The following ADAMTS18 variants were observed in gnomAD, a reference collection of about 807,000 sequenced individuals.
The protein encoded by ADAMTS18 is A disintegrin and metalloproteinase with thrombospondin motifs 18.
Under a neutral mutation model 165.9 loss-of-function variants are expected in ADAMTS18, and 157 were observed. The ratio of observed to expected loss-of-function variants is 0.95; its 90% CI spans 0.83 to 1.08. The LOEUF (loss-of-function observed/expected upper bound fraction) is 1.08, where lower values mean the gene tolerates loss of function less well. ADAMTS18 is among the 50% of genes least tolerant of loss of function. ADAMTS18 has a pLI of 0.00. For missense variants in ADAMTS18, 2,040 were observed against 1,534.0 expected (o/e 1.33, Z -5.51); for synonymous variants, 782 against 578.2 (o/e 1.35, Z -5.06).
At chr16:77,426,909 G>A (rs1597262069) in intron 3 of ADAMTS18, among the ~76,000 whole-genome samples, 2 of 152,236 alleles carry the variant, frequency 1.3e-5, no homozygotes, top group East Asian at 1.9e-4. Context: ...AGCTACTTGG[G>A]GGGCTGAGTT....
At chr16:77,355,115 A>G (rs2056609050) in intron 9 of ADAMTS18, among the ~76,000 whole-genome samples, 1 of 152,106 alleles carries the variant, frequency 6.6e-6, no homozygotes, top group South Asian at 2.1e-4. Context: ...GTCAATTCCC[A>G]AAGAAATTTC....
At chr16:77,405,939 T>C (rs2144818364) in intron 3 of ADAMTS18, among the ~76,000 whole-genome samples, 1 of 152,194 alleles carries the variant, frequency 6.6e-6, no homozygotes, top group Non-Finnish European at 1.5e-5. Context: ...AAAGTGACGA[T>C]CTAATAATCT....
rs1318904239 is a variant in ADAMTS18, at chr16:77,363,840, C to T, written c.1018G>A (p.Val340Met). The change falls in exon 6 of 23, where the codon GTG (valine) becomes ATG (methionine). Residue 340 changes from valine (V) to methionine (M), a missense_variant. Val to Met is a conservative substitution (Grantham distance 21). Coordinates refer to ENST00000282849, the MANE Select transcript of ADAMTS18 (RefSeq NM_199355.4). ...AGAAGAATTAGGCTCACCACAACCA[C>T]GTTTATGTCACTTCCAATAGTCCCA... The part of the protein sequence containing the change: ...KDGTIGSDIN[V>M]VVVSLILLEQ... The T allele has an allele frequency of 5.6e-6, 9 of 1,614,012 alleles. No homozygotes were observed. Among genetic ancestry groups the T allele is most frequent in the African/African-American group, 4.0e-5 (3 of 75,038 alleles).
At chr16:77,300,689 C>A (rs1375816337) in intron 16 of ADAMTS18, among the ~76,000 whole-genome samples, 3 of 152,216 alleles carry the variant, frequency 2.0e-5, no homozygotes, top group African/African-American at 7.2e-5. Flanking sequence ...CATACATACA[C>A]ACACACACTC....
chr16:77,364,620 AGATG>A (rs2056765622), intron 4 of ADAMTS18, among the ~76,000 whole-genome samples: 1 of 148,242 alleles, frequency 6.7e-6, no homozygotes, highest in Non-Finnish European at 1.5e-5. Context: ...TGGACAGGAT[AGATG>A]GATGGATGAG....
rs137935456 is a variant in ADAMTS18, at chr16:77,415,534, C to T, written c.495+15761G>A. Among the ~76,000 whole-genome samples, 335 of 152,192 alleles carry T rather than the reference C, an allele frequency of 2.2e-3. 2 individuals are homozygous for T. Among genetic ancestry groups the T allele is most frequent in the Non-Finnish European group, 3.8e-3 (259 of 68,006 alleles). On this transcript the variant is annotated intron_variant, in intron 3 of 22. Coordinates refer to ENST00000282849, the MANE Select transcript of ADAMTS18 (RefSeq NM_199355.4). ...TCCCAGAATTTGATTTTTATTGGCACCGATCTTGTTGCCTGTTTATTTCTG... is the reference window on the plus strand; with the variant it reads ...TCCCAGAATTTGATTTTTATTGGCATCGATCTTGTTGCCTGTTTATTTCTG...
rs2434896 is a variant in ADAMTS18, at chr16:77,366,780, C to A, written c.778+661G>T. Among the ~76,000 whole-genome samples the A allele has an allele frequency of 5.4e-3, 823 of 152,150 alleles. 10 individuals carry two copies. The highest frequency in any genetic ancestry group is 0.019 in the African/African-American group (794 of 41,542). On this transcript the variant is annotated intron_variant, in intron 4 of 22. Transcript: ENST00000282849. Reference sequence around the variant, plus strand: ...TAAACGCTGGATTTCCAAAACTTAACAGGAAAAAATAATGTAACTCTCTAA... The same window carrying A: ...TAAACGCTGGATTTCCAAAACTTAAAAGGAAAAAATAATGTAACTCTCTAA...
chr16:77,405,407 T>C (rs1223487799), intron 3 of ADAMTS18, among the ~76,000 whole-genome samples: 1 of 152,198 alleles, frequency 6.6e-6, no homozygotes, highest in Non-Finnish European at 1.5e-5. Context: ...TTTATTGTAA[T>C]GCTTTGAATG....
intron 3 of ADAMTS18, among the ~76,000 whole-genome samples, chr16:77,391,420 G>A (rs1341859212): frequency 6.6e-6 from 1 of 151,806 alleles, no homozygotes; most frequent in Non-Finnish European, 1.5e-5. Context: ...GAACCTGGGA[G>A]GTGGAAGTTG....
intron 12 of ADAMTS18, among the ~76,000 whole-genome samples, chr16:77,328,830 C>G (rs879391367): frequency 1.3e-5 from 2 of 152,154 alleles, no homozygotes; most frequent in African/African-American, 2.4e-5. Context: ...AAAAGACCAC[C>G]AAATTCATAC....
chr16:77,381,082 C>T (rs1198513459), intron 3 of ADAMTS18, among the ~76,000 whole-genome samples: 1 of 152,046 alleles, frequency 6.6e-6, no homozygotes, highest in Non-Finnish European at 1.5e-5. Flanking sequence ...CCATGTTGGT[C>T]AGGCTGGTCT....
At chr16:77,381,675 G>A (rs980258031) in intron 3 of ADAMTS18, among the ~76,000 whole-genome samples, 2 of 152,096 alleles carry the variant, frequency 1.3e-5, no homozygotes, top group Admixed American at 1.3e-4. Flanking sequence ...AGTGACGCAC[G>A]CCTGTAATCC....
chr16:77,320,049 C>A lies in ADAMTS18; in HGVS notation c.2332G>T (p.Glu778Ter). Reference sequence around the variant, plus strand: ...GAGGAAACCTGCAGCTCCTGGATTTCGATGCTTCGGGCGCCAGCTGGAATG... The same window carrying A: ...GAGGAAACCTGCAGCTCCTGGATTTAGATGCTTCGGGCGCCAGCTGGAATG... ...VLIPAGARSI[E>*]IQELQVSSSY... The change falls in exon 16 of 23, where the codon GAA (glutamate) becomes TAA (stop). Residue 778 changes from glutamate (E) to a stop codon, truncating the protein, a stop_gained. Transcript: ENST00000282849. LOFTEE classifies it high-confidence loss of function. 6.2e-7 allele frequency: 1 copy of A among 1,614,012 alleles called. No individual in the cohort carries two copies. Among genetic ancestry groups the A allele is most frequent in the Non-Finnish European group, 8.5e-7 (1 of 1,180,012 alleles).
intron 3 of ADAMTS18, among the ~76,000 whole-genome samples, chr16:77,368,693 G>C (rs1040084649): frequency 6.6e-6 from 1 of 152,006 alleles, no homozygotes; most frequent in Admixed American, 6.6e-5. Flanking sequence ...TTACAGGTGT[G>C]AGCCACCAGT....
intron 16 of ADAMTS18, among the ~76,000 whole-genome samples, chr16:77,319,189 T>C (rs780427533): frequency 1.3e-5 from 2 of 152,192 alleles, no homozygotes; most frequent in Non-Finnish European, 1.5e-5. Flanking sequence ...CCTAGGCCAG[T>C]TGACCTATGT....
chr16:77,383,965 T>TC (rs1022681431), intron 3 of ADAMTS18, among the ~76,000 whole-genome samples: 1 of 152,070 alleles, frequency 6.6e-6, no homozygotes, highest in African/African-American at 2.4e-5. Context: ...CAGCCTTTTT[T>TC]CCCCCATAAC....
intron 3 of ADAMTS18, among the ~76,000 whole-genome samples, chr16:77,374,658 C>A (rs1440199104): frequency 1.3e-5 from 2 of 152,252 alleles, no homozygotes; most frequent in African/African-American, 4.8e-5. Flanking sequence ...AGTGCTTTAA[C>A]TGGACTAACC....
intron 3 of ADAMTS18, among the ~76,000 whole-genome samples, chr16:77,404,154 C>T (rs150611081): frequency 1.6e-4 from 25 of 152,166 alleles, no homozygotes; most frequent in African/African-American, 5.5e-4. Flanking sequence ...TGTCTCCTAA[C>T]AGGAGGAAGA....
At chr16:77,378,384 G>T (rs1427834487) in intron 3 of ADAMTS18, among the ~76,000 whole-genome samples, 1 of 150,962 alleles carries the variant, frequency 6.6e-6, no homozygotes, top group Admixed American at 6.6e-5. Context: ...TTACTTAGAT[G>T]ATTTTTTAGA....
Sources: gnomAD v4.1 joint callset for allele counts (sites outside exome capture counted in the v4.1 genomes callset) on GRCh38, gnomAD v4.1.1 for gene constraint, MANE v1.5 for transcripts, NCBI Gene and HGNC (gene_info 2026-07-23, HGNC 2026-07-21) for gene names.